SNX1: variants seen among roughly 807,000 people sequenced by gnomAD.
The protein encoded by SNX1 is sorting nexin 1.
A neutral mutation model predicts 71.8 loss-of-function variants in SNX1; 36 were observed. The observed-to-expected ratio is 0.50, with a 90% CI of 0.38 to 0.66. The LOEUF is 0.66. SNX1 is among the 30% of genes least tolerant of loss of function. The pLI, the probability that SNX1 is intolerant of heterozygous loss-of-function variation, is 0.00. For missense variants in SNX1, 612 were observed against 646.7 expected, an observed-to-expected ratio of 0.95 and a Z score of 0.58; for synonymous variants, 254 against 240.7, an observed-to-expected ratio of 1.06 and a Z score of -0.51.
Position 64,134,636 on chromosome 15 carries a change from G to A in SNX1, c.1222-28G>A. 1 of 1,595,512 alleles carries A rather than the reference G, an allele frequency of 6.3e-7. No individual in the cohort carries two copies. Among genetic ancestry groups the A allele is most frequent in the Non-Finnish European group, 8.5e-7 (1 of 1,170,136 alleles). ...CAGCAGAGCTCTTGAAGAGCTGGTT[G>A]TGCTCCTCCTCAACCCCACCCCCAC... On this transcript the variant is annotated intron_variant, in intron 11 of 14. Transcript: ENST00000559844. This position sits in a 1 kb window ranked among gnomAD's most constrained non-coding sequence, Gnocchi z 4.1.
At position 64,138,292 on chromosome 15, in the gene SNX1, C is replaced by A; in HGVS notation, c.*674C>A. On this transcript the variant is annotated 3_prime_UTR_variant, in exon 15 of 15. Coordinates refer to ENST00000559844, the MANE Select transcript of SNX1 (RefSeq NM_003099.5). Reference sequence around the variant, plus strand: ...GGAGCAAAATCTATTAAAACCTATTCTCCTGCAAAGGAGGCAGAGACTTTC... The same window carrying A: ...GGAGCAAAATCTATTAAAACCTATTATCCTGCAAAGGAGGCAGAGACTTTC... 1.7e-6 allele frequency: 2 copies of A among 1,198,802 alleles called. No individual in the cohort carries two copies. The highest frequency in any genetic ancestry group is 2.2e-6 in the Non-Finnish European group (2 of 906,546). The allele number at this position is 1,198,802 out of a possible 1,614,324, so 74.3% of individuals were successfully genotyped here.
intron 1 of SNX1, among the ~76,000 whole-genome samples, chr15:64,102,068 A>AT (rs2080968195): frequency 6.6e-6 from 1 of 152,204 alleles, no homozygotes; most frequent in Non-Finnish European, 1.5e-5. Context: ...AATGCTTGTT[A>AT]AAGATTTTTT....
intron 1 of SNX1, among the ~76,000 whole-genome samples, chr15:64,104,135 A>T (rs962600116): frequency 1.3e-5 from 2 of 152,238 alleles, no homozygotes; most frequent in African/African-American, 4.8e-5. Flanking sequence ...TACTTCGCAT[A>T]AGTTTAGATT....
intron 5 of SNX1, among the ~76,000 whole-genome samples, chr15:64,124,619 A>G (rs921216176): frequency 6.6e-6 from 1 of 152,098 alleles, no homozygotes; most frequent in African/African-American, 2.4e-5. Context: ...ATATACCACA[A>G]AATATTTATG....
chr15:64,118,596 A>G (rs1416061175), intron 3 of SNX1, among the ~76,000 whole-genome samples, 192 bp from the exon 4 acceptor site: 1 of 152,238 alleles, frequency 6.6e-6, no homozygotes, highest in Non-Finnish European at 1.5e-5. Context: ...GATACATGTA[A>G]CAAAGACTTG....
At position 64,131,812 on chromosome 15, in the gene SNX1, C is replaced by T. The variant is rs142457516; in HGVS notation, c.1141C>T (p.His381Tyr). Residue 381 changes from histidine to tyrosine, a missense_variant, in exon 11 of 15, where the codon CAC (histidine) becomes TAC (tyrosine). Around this residue, in one of 2 missense-constraint regions of SNX1, gnomAD observed 296 missense variants for 361.9 expected, o/e 0.82. Transcript: ENST00000559844. ...AEVEEKIEQLHQEQANNDFFL... is the reference protein window; with the variant it reads ...AEVEEKIEQLYQEQANNDFFL... ...GGTGGAAGAAAAAATTGAGCAGCTC[C>T]ACCAGGAACAGGCCAACAATGACTT... 2.0e-4 allele frequency: 328 copies of T among 1,614,224 alleles called. No individual in the cohort carries two copies. The highest frequency in any genetic ancestry group is 8.2e-5 in the Non-Finnish European group (97 of 1,180,044).
At chr15:64,099,518 G>A (rs1008583691) in intron 1 of SNX1, among the ~76,000 whole-genome samples, 1 of 152,146 alleles carries the variant, frequency 6.6e-6, no homozygotes, top group Non-Finnish European at 1.5e-5. Context: ...CTGGCATGGT[G>A]GCATAAGCCT....
At position 64,136,878 on chromosome 15, in the gene SNX1, C is replaced by G; in HGVS notation, c.1464C>G (p.Asp488Glu). 2 of 1,613,772 alleles carry G rather than the reference C, an allele frequency of 1.2e-6. No individual in the cohort carries two copies. The highest frequency in any genetic ancestry group is 1.7e-6 in the Non-Finnish European group (2 of 1,179,764). ...TCTCCTAGAAAGAGAAATCCAAGGA[C>G]TTCAAGAACCACGTGATCAAGTACC... ...VIRFEKEKSK[D>E]FKNHVIKYLE... Residue 488 changes from aspartate to glutamate, a missense_variant, in exon 14 of 15, where the codon GAC (aspartate) becomes GAG (glutamate). This residue lies in a region of SNX1 where 296 missense variants were observed against 361.9 expected (regional missense o/e 0.82). Transcript: ENST00000559844.
At chr15:64,114,581 G>A (rs1017562977) in intron 2 of SNX1, among the ~76,000 whole-genome samples, 1 of 152,160 alleles carries the variant, frequency 6.6e-6, no homozygotes, top group African/African-American at 2.4e-5. Flanking sequence ...TGGACATATG[G>A]GAATCATCTT....
intron 1 of SNX1, among the ~76,000 whole-genome samples, chr15:64,100,320 G>T (rs748428346): frequency 8.5e-5 from 13 of 152,128 alleles, no homozygotes; most frequent in Non-Finnish European, 1.5e-4. Context: ...GGAGAGAATT[G>T]GCCAGGCGCA....
Position 64,126,226 on chromosome 15 carries a change from C to A in SNX1, c.652+6C>A. The A allele has an allele frequency of 6.2e-7, 1 of 1,610,252 alleles. No homozygotes were observed. Among genetic ancestry groups the A allele is most frequent in the Non-Finnish European group, 8.5e-7 (1 of 1,179,012 alleles). ...CCCGGAGAAGAGCCTCATAGGTAAGCCTGTGGTCTTTCATTCCACTTGGAT... is the reference window on the plus strand; with the variant it reads ...CCCGGAGAAGAGCCTCATAGGTAAGACTGTGGTCTTTCATTCCACTTGGAT... On this transcript the variant is annotated splice_donor_region_variant and intron_variant, in intron 6 of 14. Transcript: ENST00000559844.
intron 14 of SNX1, 74 bp downstream of exon 14, chr15:64,137,006 A>ACATCTTGTTGC: frequency 4.1e-6 from 5 of 1,218,278 alleles, no homozygotes; most frequent in Non-Finnish European, 6.0e-6. Context: ...GGGCTTCTGC[A>ACATCTTGTTGC]ACAAGATGTG....
rs1207843619 is a variant in SNX1 at position 64,140,210 on chromosome 15, G to T, written c.*2592G>T. ...TATTACTGTCATGATTGACCAACATGATTTCCTAACTCCATAATGCCTTCT... is the reference window on the plus strand; with the variant it reads ...TATTACTGTCATGATTGACCAACATTATTTCCTAACTCCATAATGCCTTCT... On this transcript the variant is annotated 3_prime_UTR_variant, in exon 15 of 15. Coordinates refer to ENST00000559844, the MANE Select transcript of SNX1 (RefSeq NM_003099.5). The T allele has an allele frequency of 6.6e-6, 1 of 152,266 alleles. No homozygotes were observed. Among genetic ancestry groups the T allele is most frequent in the Non-Finnish European group, 1.5e-5 (1 of 68,054 alleles). 9.4% of individuals were successfully genotyped at this position (152,266 alleles called of 1,614,324 possible). A position where few individuals can be genotyped will look rare whatever the true frequency, so the allele number is the denominator to read the frequency against.
At chr15:64,135,178 C>T (rs1009417019) in intron 12 of SNX1, among the ~76,000 whole-genome samples, 4 of 151,772 alleles carry the variant, frequency 2.6e-5, no homozygotes, top group African/African-American at 4.8e-5. Flanking sequence ...AGTGCAGTGG[C>T]GCGATCTCAG....
rs567455644 is a variant in SNX1 at position 64,104,204 on chromosome 15, T to G, written c.159+8032T>G. Among the ~76,000 whole-genome samples the G allele has an allele frequency of 6.1e-4, 93 of 152,146 alleles. 1 individual carries two copies. Among genetic ancestry groups the G allele is most frequent in the Non-Finnish European group, 1.3e-3 (88 of 68,016 alleles). ...TCATTGTATTGTACTAGCAATTAAC[T>G]TAGCTTTCAGAATTATGGAGGAAAA... On this transcript the variant is annotated intron_variant, in intron 1 of 14. Transcript: ENST00000559844.
Position 64,134,450 on chromosome 15 carries a change from G to T in SNX1, c.1222-214G>T. ...CCAGCCCTGGGAGTAGCATGAAGCA[G>T]CATGGCACTGGCCTTCTGGAAGCTT... is the stretch of plus-strand genomic sequence containing the variant. On this transcript the variant is annotated intron_variant, in intron 11 of 14. Coordinates refer to ENST00000559844, the MANE Select transcript of SNX1 (RefSeq NM_003099.5). The surrounding 1 kb of genome is among the most constrained non-coding windows in gnomAD (Gnocchi z 4.1). 1.8e-6 allele frequency: 1 copy of T among 570,248 alleles called. No individual in the cohort carries two copies. Among genetic ancestry groups the T allele is most frequent in the Non-Finnish European group, 3.1e-6 (1 of 323,128 alleles). The allele number at this position is 570,248 out of a possible 1,614,324, so 35.3% of individuals were successfully genotyped here.
Position 64,141,026 on chromosome 15 carries a change from T to TAGATAGATAGATAGATA in SNX1, c.*3408_*3409insAGATAGATAGATAGATA, listed in dbSNP as rs71133411. 1 of 83,730 alleles carries TAGATAGATAGATAGATA rather than the reference T, an allele frequency of 1.2e-5. No homozygotes were observed. The highest frequency in any genetic ancestry group is 4.9e-5 in the African/African-American group (1 of 20,484). The allele number at this position is 83,730 out of a possible 1,614,324, so 5.2% of individuals were successfully genotyped here. On this transcript the variant is annotated 3_prime_UTR_variant, in exon 15 of 15. Transcript: ENST00000559844. This position sits in a 1 kb window ranked among gnomAD's most constrained non-coding sequence, Gnocchi z 5.1. ...ATAGATAGATAGATAGATAGATAGA[T>TAGATAGATAGATAGATA]GATAGATATAGATAGATAGATAGAT...
At chr15:64,133,449 T>C (rs889349910) in intron 11 of SNX1, among the ~76,000 whole-genome samples, 4 of 152,138 alleles carry the variant, frequency 2.6e-5, no homozygotes, top group Admixed American at 6.5e-5. Flanking sequence ...GCAGGGAAGG[T>C]TGGGGCGTGG....
At chr15:64,096,206 G>A in intron 1 of SNX1, 34 bp downstream of exon 1, 2 of 1,541,266 alleles carry the variant, frequency 1.3e-6, no homozygotes, top group Non-Finnish European at 1.7e-6. Flanking sequence ...GCAGGCGGGA[G>A]GGCACCCCGA....
Sources: gnomAD v4.1 joint callset for allele counts (sites outside exome capture counted in the v4.1 genomes callset) on GRCh38, gnomAD v4.1.1 for gene constraint, gnomAD v4.1.1 regional missense constraint, Gnocchi (gnomAD v3.1) non-coding constraint, MANE v1.5 for transcripts, NCBI Gene and HGNC (gene_info 2026-07-23, HGNC 2026-07-21) for gene names.